RANBP17: variants seen among roughly 807,000 people sequenced by gnomAD.
RANBP17 encodes RAN binding protein 17, also known as ran-binding protein 17.
In RANBP17, 158 loss-of-function variants were observed where a neutral mutation model predicts 141.2. That is an observed-to-expected ratio of 1.12 (90% CI 0.98 to 1.28). The LOEUF is 1.28. RANBP17 is among the 50% of genes most tolerant of loss of function. RANBP17 has a pLI of 0.00. For synonymous variants in RANBP17, 430 were observed against 450.0 expected (o/e 0.96, Z 0.56); for missense variants, 1,438 against 1,290.7 (o/e 1.11, Z -1.75).
Position 171,221,398 on chromosome 5 carries a change from C to T in RANBP17, c.2340-360C>T, listed in dbSNP as rs534090024. 3.9e-5 allele frequency among the ~76,000 whole-genome samples: 6 copies of T among 152,228 alleles called. No individual in the cohort carries two copies. In the South Asian group the frequency reaches 8.3e-4, roughly 21 times the overall value. ...CTCAAATGGAAATATATATCATTAT[C>T]CAAGTATTTGTCTAAACTTAGACAC... On this transcript the variant is annotated intron_variant, in intron 21 of 27. Transcript: ENST00000523189.
chr5:171,197,266 C>T, intron 18 of RANBP17, among the ~76,000 whole-genome samples: 1 of 152,162 alleles, frequency 6.6e-6, no homozygotes, highest in South Asian at 2.1e-4. Context: ...ATGCCAGGCT[C>T]TATTCTGTGC....
intron 25 of RANBP17, among the ~76,000 whole-genome samples, chr5:171,275,607 A>G (rs1411001797): frequency 6.6e-6 from 1 of 152,162 alleles, no homozygotes; most frequent in Non-Finnish European, 1.5e-5. Flanking sequence ...TATGATTTGA[A>G]GAGTTTGATT....
intron 13 of RANBP17, among the ~76,000 whole-genome samples, chr5:170,960,674 C>A (rs1236698423): frequency 1.3e-5 from 2 of 152,160 alleles, no homozygotes; most frequent in East Asian, 3.9e-4. Context: ...CTTCTTGCTT[C>A]CTTTTGCAGC....
intron 9 of RANBP17, among the ~76,000 whole-genome samples, chr5:170,917,481 A>G (rs1772069601): frequency 6.7e-6 from 1 of 148,966 alleles, no homozygotes; most frequent in Non-Finnish European, 1.5e-5. Flanking sequence ...TGTAAAATAC[A>G]GATTTTTAAA....
chr5:170,923,655 TCTC>T (rs1356761024), intron 11 of RANBP17, among the ~76,000 whole-genome samples: 6 of 152,216 alleles, frequency 3.9e-5, no homozygotes, highest in African/African-American at 1.4e-4. Flanking sequence ...ATTTAGCTCT[TCTC>T]TGATTTTTCT....
At chr5:171,248,019 T>C (rs1765317413) in intron 24 of RANBP17, among the ~76,000 whole-genome samples, 1 of 152,180 alleles carries the variant, frequency 6.6e-6, no homozygotes, top group Non-Finnish European at 1.5e-5. Context: ...TATGAATAGA[T>C]AATCTTATAC....
At chr5:171,022,223 G>A (rs1780911827) in intron 14 of RANBP17, among the ~76,000 whole-genome samples, 1 of 152,200 alleles carries the variant, frequency 6.6e-6, no homozygotes, top group Non-Finnish European at 1.5e-5. Flanking sequence ...CCGTAGGATT[G>A]TTCCTGTATT....
At chr5:171,102,856 C>A (rs892298936) in intron 14 of RANBP17, among the ~76,000 whole-genome samples, 1 of 152,122 alleles carries the variant, frequency 6.6e-6, no homozygotes, top group Non-Finnish European at 1.5e-5. Context: ...AGTCAGACCC[C>A]TCTGCTGCAG....
intron 14 of RANBP17, among the ~76,000 whole-genome samples, chr5:171,121,355 C>T (rs573031819): frequency 1.8e-4 from 27 of 152,310 alleles, no homozygotes; most frequent in African/African-American, 4.6e-4. Context: ...AACGCAAGTG[C>T]GAGGCTGCTC....
intron 1 of RANBP17, among the ~76,000 whole-genome samples, chr5:170,870,120 C>G (rs945438068): frequency 6.6e-6 from 1 of 152,092 alleles, no homozygotes; most frequent in Non-Finnish European, 1.5e-5. Context: ...AAAATTCAGT[C>G]CTCCAAATTT....
chr5:170,988,877 T>C (rs1778327812), intron 14 of RANBP17, among the ~76,000 whole-genome samples: 1 of 151,798 alleles, frequency 6.6e-6, no homozygotes, highest in Non-Finnish European at 1.5e-5. Context: ...TAGCCAGGCA[T>C]GGTGGCAATG....
intron 14 of RANBP17, among the ~76,000 whole-genome samples, chr5:170,983,991 T>C (rs1222188316): frequency 6.6e-6 from 1 of 152,134 alleles, no homozygotes; most frequent in Non-Finnish European, 1.5e-5. Flanking sequence ...TAGGTTAGTA[T>C]AGCTAAGGCT....
At chr5:171,220,717 G>A (rs1363620057) in intron 21 of RANBP17, among the ~76,000 whole-genome samples, 1 of 151,910 alleles carries the variant, frequency 6.6e-6, no homozygotes, top group African/African-American at 2.4e-5. Flanking sequence ...CAAAGTGCTG[G>A]GATTACAAAC....
intron 24 of RANBP17, among the ~76,000 whole-genome samples, chr5:171,259,602 C>A (rs1219990543): frequency 6.6e-6 from 1 of 152,234 alleles, no homozygotes; most frequent in Middle Eastern, 3.4e-3. Context: ...TGAAATAAAC[C>A]AGGCAAAGAA....
Position 171,186,685 on chromosome 5 carries a change from C to T in RANBP17, c.2038+3255C>T, listed in dbSNP as rs1350239426. The stretch of plus-strand genomic sequence containing the variant: ...CCAAGTAGCTGGGACTACAGGCGCC[C>T]GCCACTACGCCCGGCTAATTTTTTG... On this transcript the variant is annotated intron_variant, in intron 18 of 27. Transcript: ENST00000523189. Among the ~76,000 whole-genome samples the T allele has an allele frequency of 1.1e-4, 16 of 149,344 alleles. 1 individual carries two copies. The highest frequency in any genetic ancestry group is 6.6e-4 in the Admixed American group (10 of 15,040).
intron 14 of RANBP17, among the ~76,000 whole-genome samples, chr5:171,134,252 A>G (rs1173894034): frequency 1.3e-5 from 2 of 152,196 alleles, no homozygotes; most frequent in Non-Finnish European, 2.9e-5. Flanking sequence ...ATGATCATAA[A>G]TATTGGGATT....
chr5:171,246,231 C>T (rs1468066290), intron 24 of RANBP17, among the ~76,000 whole-genome samples: 1 of 152,176 alleles, frequency 6.6e-6, no homozygotes, highest in African/African-American at 2.4e-5. Context: ...GGAGAGGACT[C>T]CCTTGGAGAG....
At chr5:171,014,731 C>A (rs1221160163) in intron 14 of RANBP17, among the ~76,000 whole-genome samples, 1 of 151,926 alleles carries the variant, frequency 6.6e-6, no homozygotes, top group Non-Finnish European at 1.5e-5. Flanking sequence ...GTATTTTACT[C>A]AGATAGTTAC....
chr5:171,250,733 A>G (rs1208732797), intron 24 of RANBP17, among the ~76,000 whole-genome samples: 4 of 152,200 alleles, frequency 2.6e-5, no homozygotes, highest in African/African-American at 2.4e-5. Flanking sequence ...AGAAAAGGGG[A>G]AAAAAGACAA....
Sources: allele counts gnomAD v4.1 joint callset (sites outside exome capture counted in the v4.1 genomes callset), GRCh38; gene constraint gnomAD v4.1.1; transcripts MANE v1.5; gene names NCBI Gene and HGNC (gene_info 2026-07-23, HGNC 2026-07-21).